Variants in KALRN observed in about 807,000 individuals in gnomAD.
KALRN encodes the protein kalirin.
KALRN carries 70 observed loss-of-function variants against 353.7 expected under a neutral mutation model. The observed-to-expected ratio is 0.20, with a 90% CI of 0.16 to 0.24. KALRN has a LOEUF of 0.24. Among genes scored for constraint, KALRN ranks in the 10% least tolerant of loss-of-function variants. The pLI, the probability that KALRN is intolerant of heterozygous loss-of-function variation, is 1.00. For synonymous variants in KALRN, 1,391 were observed against 1,434.8 expected, an observed-to-expected ratio of 0.97 and a Z score of 0.69; for missense variants, 2,791 against 3,756.7, an observed-to-expected ratio of 0.74 and a Z score of 6.72.
At chr3:124,589,072 G>T (rs1337791018) in intron 34 of KALRN, among the ~76,000 whole-genome samples, 1 of 152,140 alleles carries the variant, frequency 6.6e-6, no homozygotes, top group Non-Finnish European at 1.5e-5. Context: ...TGGGCTTTGG[G>T]TAAGTGTATG....
intron 35 of KALRN, 94 bp downstream of exon 35, chr3:124,632,797 A>C: frequency 1.8e-5 from 21 of 1,170,744 alleles, no homozygotes; most frequent in African/African-American, 3.1e-5. Flanking sequence ...TCAAATCTCC[A>C]TTAGTGTGTT....
At chr3:124,619,629 G>C (rs1031315127) in intron 34 of KALRN, among the ~76,000 whole-genome samples, 1 of 151,834 alleles carries the variant, frequency 6.6e-6, no homozygotes, top group African/African-American at 2.4e-5. Context: ...TGGGACTACA[G>C]GTGCATGCCA....
chr3:124,144,520 TCTC>T (rs1349541893), intron 1 of KALRN, among the ~76,000 whole-genome samples: 3 of 149,218 alleles, frequency 2.0e-5, no homozygotes, highest in Non-Finnish European at 3.0e-5. Flanking sequence ...TTGTCCTCCT[TCTC>T]CTCTTCCTCG....
intron 33 of KALRN, among the ~76,000 whole-genome samples, chr3:124,556,412 A>G (rs1284970135): frequency 3.3e-5 from 5 of 152,228 alleles, no homozygotes; most frequent in Admixed American, 3.3e-4. Context: ...TAAAAAAAAA[A>G]TTATAATCAA....
At chr3:124,212,365 C>G (rs1275977384) in intron 1 of KALRN, among the ~76,000 whole-genome samples, 1 of 151,684 alleles carries the variant, frequency 6.6e-6, no homozygotes, top group Non-Finnish European at 1.5e-5. Context: ...TTAGCCTAAC[C>G]TATATAGTGT....
intron 33 of KALRN, among the ~76,000 whole-genome samples, 182 bp downstream of exon 33, chr3:124,496,595 G>C (rs2063878853): frequency 6.6e-6 from 1 of 152,158 alleles, no homozygotes; most frequent in South Asian, 2.1e-4. Context: ...ACGAGATCTG[G>C]TCTGAGGGGA....
At chr3:124,542,408 C>T (rs1395371238) in intron 33 of KALRN, among the ~76,000 whole-genome samples, 1 of 152,146 alleles carries the variant, frequency 6.6e-6, no homozygotes, top group Non-Finnish European at 1.5e-5. Flanking sequence ...CTATGAAGCA[C>T]CACACCCACG....
At chr3:124,422,214 T>A (rs997571772) in intron 14 of KALRN, among the ~76,000 whole-genome samples, 4 of 152,230 alleles carry the variant, frequency 2.6e-5, no homozygotes, top group Non-Finnish European at 5.9e-5. Flanking sequence ...TAGCTTATAT[T>A]TCTAACAGTG....
chr3:124,249,745 G>C (rs1380041465), intron 3 of KALRN, among the ~76,000 whole-genome samples: 3 of 152,154 alleles, frequency 2.0e-5, no homozygotes, highest in African/African-American at 7.2e-5. Context: ...AGTTTATTCT[G>C]ATTTGGAGCA....
chr3:124,477,012 A>T (rs2061489220), intron 26 of KALRN, among the ~76,000 whole-genome samples: 1 of 152,182 alleles, frequency 6.6e-6, no homozygotes, highest in Non-Finnish European at 1.5e-5. Context: ...ACAAACTATT[A>T]TTAAAAGGAG....
intron 14 of KALRN, among the ~76,000 whole-genome samples, chr3:124,414,374 A>G (rs376212626): frequency 1.3e-5 from 2 of 152,246 alleles, no homozygotes; most frequent in African/African-American, 4.8e-5. Context: ...CTCCAGCCCT[A>G]TCCTCTACTC....
At chr3:124,095,397 T>G (rs1451850389) in intron 1 of KALRN, among the ~76,000 whole-genome samples, 4 of 152,220 alleles carry the variant, frequency 2.6e-5, no homozygotes, top group Non-Finnish European at 5.9e-5. Flanking sequence ...AAGACCTATG[T>G]GCTGAGGTTG....
At chr3:124,483,638 G>A (rs536125973) in intron 28 of KALRN, among the ~76,000 whole-genome samples, 1 of 152,150 alleles carries the variant, frequency 6.6e-6, no homozygotes, top group East Asian at 1.9e-4. Context: ...CGAGGCCAGG[G>A]TGGCACCTAC....
rs552474209 is a variant in KALRN at position 124,188,337 on chromosome 3, A to G, written c.74-39653A>G. Reference sequence around the variant, plus strand: ...GGATTAGAGGATGTGAACATTCCAGACAGCAAGAAAATAGTCATGAGGGGT... The same window carrying G: ...GGATTAGAGGATGTGAACATTCCAGGCAGCAAGAAAATAGTCATGAGGGGT... On this transcript the variant is annotated intron_variant, in intron 1 of 59. Coordinates refer to ENST00000682506, the MANE Select transcript of KALRN (RefSeq NM_001388419.1). Among the ~76,000 whole-genome samples the G allele has an allele frequency of 2.0e-5, 3 of 152,334 alleles. No homozygotes were observed. In the South Asian group the frequency reaches 6.2e-4, roughly 32 times the overall value.
At position 124,455,363 on chromosome 3, in the gene KALRN, G is replaced by A. The variant is rs765767025; in HGVS notation, c.3735+4G>A. The A allele has an allele frequency of 1.5e-5, 24 of 1,613,560 alleles. 1 individual carries two copies. In the East Asian group the frequency reaches 5.3e-4, roughly 36 times the overall value. ...AGCCCTAGGAGTCAACACAGAGGTA[G>A]GCAGGGGTATTGTCCTCTGGGACAT... On this transcript the variant is annotated splice_donor_region_variant and intron_variant, in intron 22 of 59. Coordinates refer to ENST00000682506, the MANE Select transcript of KALRN (RefSeq NM_001388419.1).
At position 124,667,019 on chromosome 3, in the gene KALRN, A is replaced by T; in HGVS notation, c.6539A>T (p.Tyr2180Phe). Residue 2180 changes from tyrosine to phenylalanine, a missense_variant, in exon 47 of 60, where the codon TAC becomes TTC. Coordinates refer to ENST00000682506, the MANE Select transcript of KALRN (RefSeq NM_001388419.1). Reference sequence around the variant, plus strand: ...CAACTCGTTTTCTTCCAGATGAATTACTTGGTCCTGGAGGAGAATGTGGAC... The same window carrying T: ...CAACTCGTTTTCTTCCAGATGAATTTCTTGGTCCTGGAGGAGAATGTGGAC... ...YMFKRSIKMN[Y>F]LVLEENVDND... is the part of the protein sequence containing the mutation. 6.3e-7 allele frequency: 1 copy of T among 1,597,278 alleles called. No individual in the cohort carries two copies. The highest frequency in any genetic ancestry group is 8.6e-7 in the Non-Finnish European group (1 of 1,168,846).
chr3:124,082,513 TAACA>T (rs965974993), intron 1 of KALRN, among the ~76,000 whole-genome samples: 1 of 152,126 alleles, frequency 6.6e-6, no homozygotes, highest in Non-Finnish European at 1.5e-5. Flanking sequence ...AATACTCCTC[TAACA>T]AACCTAAAAA....
intron 1 of KALRN, among the ~76,000 whole-genome samples, chr3:124,197,114 A>G (rs1272007667): frequency 6.6e-6 from 1 of 152,160 alleles, no homozygotes; most frequent in Non-Finnish European, 1.5e-5. Context: ...TCATTTAAAA[A>G]GATTGCAAAC....
intron 46 of KALRN, 74 bp downstream of exon 46, chr3:124,666,708 C>A: frequency 7.9e-7 from 1 of 1,273,020 alleles, no homozygotes; most frequent in Non-Finnish European, 1.1e-6. Context: ...TAAGACGAGG[C>A]CCTGGAGTTG....
Sources: gnomAD v4.1 joint callset for allele counts (sites outside exome capture counted in the v4.1 genomes callset) on GRCh38, gnomAD v4.1.1 for gene constraint, MANE v1.5 for transcripts, NCBI Gene and HGNC (gene_info 2026-07-23, HGNC 2026-07-21) for gene names.